TMEM175: variants seen among roughly 807,000 people sequenced by gnomAD.
The protein encoded by TMEM175 is endosomal/lysosomal proton channel TMEM175.
Under a neutral mutation model 36.5 loss-of-function variants are expected in TMEM175, and 36 were observed. The observed-to-expected ratio is 0.99, with a 90% CI of 0.76 to 1.30. The LOEUF (loss-of-function observed/expected upper bound fraction) is 1.30, where lower values mean the gene tolerates loss of function less well. Among genes scored for constraint, TMEM175 ranks in the 50% most tolerant of loss-of-function variants. TMEM175 has a pLI of 0.00. For synonymous variants in TMEM175, 339 were observed against 313.4 expected, an observed-to-expected ratio of 1.08 and a Z score of -0.86; for missense variants, 705 against 692.8, an observed-to-expected ratio of 1.02 and a Z score of -0.20.
chr4:944,736 C>T (rs1372181270), intron 1 of TMEM175, among the ~76,000 whole-genome samples: 1 of 152,092 alleles, frequency 6.6e-6, no homozygotes, highest in African/African-American at 2.4e-5. Context: ...TCTGTTTTAA[C>T]TTTCTGATAG....
intron 1 of TMEM175, among the ~76,000 whole-genome samples, chr4:933,481 A>AAACAAT (rs1553902877): frequency 6.6e-6 from 1 of 151,994 alleles, no homozygotes; most frequent in South Asian, 2.1e-4. Context: ...CTCAAAAAAT[A>AAACAAT]AATAATAATA....
At chr4:951,627 C>G in intron 5 of TMEM175, 55 bp from the exon 6 acceptor site, 1 of 1,612,620 alleles carries the variant, frequency 6.2e-7, no homozygotes, top group Non-Finnish European at 8.5e-7. Context: ...TCTGTCCATT[C>G]CCCTGCCCTT....
chr4:953,770 C>T lies in TMEM175; in HGVS notation c.627+416C>T, dbSNP rs139329148. Among the ~76,000 whole-genome samples the T allele has an allele frequency of 2.6e-5, 4 of 152,360 alleles. No homozygotes were observed. The East Asian group carries it at 5.8e-4, about 22-fold the overall frequency. On this transcript the variant is annotated intron_variant, in intron 8 of 10. Coordinates refer to ENST00000264771, the MANE Select transcript of TMEM175 (RefSeq NM_032326.4). ...GTGTGATCTTGGCTCACCACAGCCTCGACCTCCCGGGCTCAAGTGATTCTC... is the reference window on the plus strand; with the variant it reads ...GTGTGATCTTGGCTCACCACAGCCTTGACCTCCCGGGCTCAAGTGATTCTC...
chr4:947,607 C>A, intron 1 of TMEM175, 102 bp from the exon 2 acceptor site: 1 of 838,374 alleles, frequency 1.2e-6, no homozygotes, highest in Non-Finnish European at 1.8e-6. Context: ...GGCGGCCAAG[C>A]CCCCCCCCAT....
chr4:953,337 C>T lies in TMEM175; in HGVS notation c.610C>T (p.Leu204Phe), dbSNP rs1385593989. The T allele has an allele frequency of 1.2e-6, 2 of 1,612,742 alleles. No homozygotes were observed. Among genetic ancestry groups the T allele is most frequent in the African/African-American group, 2.7e-5 (2 of 74,930 alleles). The change falls in exon 8 of 11, where the codon CTC becomes TTC. Residue 204 changes from leucine to phenylalanine, a missense_variant. Coordinates refer to ENST00000264771, the MANE Select transcript of TMEM175 (RefSeq NM_032326.4). Reference sequence around the variant, plus strand: ...GTGCTTTGCAGCGGCCATCTTCTCTCTCTTCTTTGTCCCCTTGGTGAGTGC... The same window carrying T: ...GTGCTTTGCAGCGGCCATCTTCTCTTTCTTCTTTGTCCCCTTGGTGAGTGC... The part of the protein sequence containing the change: ...ALCFAAAIFS[L>F]FFVPLSYLLM...
At position 952,355 on chromosome 4, in the gene TMEM175, T is replaced by C. The variant is rs144228704; in HGVS notation, c.379-12T>C. ...GATTTGGGGGGGTTTGGTTTTGTTT[T>C]TGTTTTAACAGTTTTCGTTAATGGT... On this transcript the variant is annotated splice_polypyrimidine_tract_variant and intron_variant, in intron 6 of 10. Transcript: ENST00000264771. 2.8e-4 allele frequency: 451 copies of C among 1,610,866 alleles called. 5 individuals are homozygous for C. In the East Asian group the frequency reaches 9.2e-3, roughly 33 times the overall value.
At chr4:951,314 C>T in intron 5 of TMEM175, 56 bp downstream of exon 5, 1 of 1,589,522 alleles carries the variant, frequency 6.3e-7, no homozygotes, top group Non-Finnish European at 8.6e-7. Flanking sequence ...ATCTGACCCT[C>T]AGGGAAGAGG....
chr4:953,101 G>A lies in TMEM175; in HGVS notation c.463-89G>A, dbSNP rs151181945. Reference sequence around the variant, plus strand: ...GTCCTCCCCACCTCGAGACCCTTGCGTGCGTGTGCCATGCAGCCCGGGGGT... The same window carrying A: ...GTCCTCCCCACCTCGAGACCCTTGCATGCGTGTGCCATGCAGCCCGGGGGT... On this transcript the variant is annotated intron_variant, in intron 7 of 10. Transcript: ENST00000264771. The A allele has an allele frequency of 1.2e-4, 162 of 1,384,200 alleles. No homozygotes were observed. The African/African-American group carries it at 1.8e-3, about 16-fold the overall frequency. The allele number at this position is 1,384,200 out of a possible 1,614,324, so 85.7% of individuals were successfully genotyped here.
rs757183819 is a variant in TMEM175, at chr4:950,412, G to C, written c.193-9G>C. ...CCTGGGCTCTGACAGCAGTGCTCTT[G>C]TATTCCAGCAGTTCGACAGAAGTGT... On this transcript the variant is annotated splice_polypyrimidine_tract_variant and intron_variant, in intron 3 of 10. Transcript: ENST00000264771. 6.2e-7 allele frequency: 1 copy of C among 1,608,548 alleles called. No homozygotes were observed. Among genetic ancestry groups the C allele is most frequent in the South Asian group, 1.1e-5 (1 of 90,978 alleles).
intron 1 of TMEM175, among the ~76,000 whole-genome samples, chr4:943,904 G>A (rs1408041305): frequency 6.6e-6 from 1 of 152,204 alleles, no homozygotes; most frequent in Non-Finnish European, 1.5e-5. Flanking sequence ...CCAAAGAAGT[G>A]TGTTACTGAT....
rs140546775 is a variant in TMEM175, at chr4:958,035, G to A, written c.1054G>A (p.Val352Met). Reference protein sequence around the residue: ...GLLNTLSLAFVGGLPLAYQQT... With the variant: ...GLLNTLSLAFMGGLPLAYQQT... ...GCTGAACACGCTCTCGCTGGCCTTC[G>A]TGGGTGGCCTCCCACTAGCCTACCA... The change falls in exon 11 of 11, where the codon GTG (valine) becomes ATG (methionine). Residue 352 changes from valine (V) to methionine (M), a missense_variant. Physicochemically the swap from Val to Met is conservative, Grantham distance 21. Transcript: ENST00000264771. The A allele has an allele frequency of 5.2e-5, 84 of 1,611,308 alleles. 1 individual carries two copies. In the Middle Eastern group the frequency reaches 1.2e-3, roughly 22 times the overall value.
intron 3 of TMEM175, among the ~76,000 whole-genome samples, chr4:949,973 A>G (rs1157431281): frequency 6.6e-6 from 1 of 152,122 alleles, no homozygotes; most frequent in Non-Finnish European, 1.5e-5. Flanking sequence ...GAGCCTCATG[A>G]ATGACATTCG....
In TMEM175 at chr4:957,988, A is replaced by C. The variant is rs755772666; in HGVS notation, c.1007A>C (p.Lys336Thr). The change falls in exon 11 of 11, where the codon AAG becomes ACG. Residue 336 changes from lysine (K) to threonine (T), a missense_variant. Physicochemically the swap from Lys to Thr is moderately conservative, Grantham distance 78. Transcript: ENST00000264771. ...AHHSLFLHVR[K>T]ATRAMGLLNT... The stretch of plus-strand genomic sequence containing the variant: ...CACTCACTCTTCCTGCATGTGCGCA[A>C]GGCCACGCGGGCCATGGGGCTGCTG... 2.5e-6 allele frequency: 4 copies of C among 1,612,848 alleles called. No individual in the cohort carries two copies. The South Asian group carries it at 4.4e-5, about 18-fold the overall frequency.
intron 8 of TMEM175, 102 bp downstream of exon 8, chr4:953,456 G>C (rs1729223271): frequency 1.4e-6 from 2 of 1,385,718 alleles, no homozygotes; most frequent in Admixed American, 2.5e-5. Context: ...GCAGAGCGCA[G>C]ACAGGCAGGG....
chr4:957,640 G>C (rs1560502308), intron 10 of TMEM175, among the ~76,000 whole-genome samples, 184 bp from the exon 11 acceptor site: 1 of 152,244 alleles, frequency 6.6e-6, no homozygotes, highest in Non-Finnish European at 1.5e-5. Flanking sequence ...TGAACAGCAC[G>C]TAACAGTCAG....
rs773277869 is a variant in TMEM175, at chr4:951,167, A to T, written c.291-40A>T. 17 of 1,594,280 alleles carry T rather than the reference A, an allele frequency of 1.1e-5. No homozygotes were observed. In the South Asian group the frequency reaches 1.9e-4, roughly 18 times the overall value. On this transcript the variant is annotated intron_variant, in intron 4 of 10. Coordinates refer to ENST00000264771, the MANE Select transcript of TMEM175 (RefSeq NM_032326.4). Reference sequence around the variant, plus strand: ...GTGTGTGTGCATTTAATGTTACTACAACCGCGTTTTATTGTCTATCTTTTT... The same window carrying T: ...GTGTGTGTGCATTTAATGTTACTACTACCGCGTTTTATTGTCTATCTTTTT...
At chr4:939,614 G>A (rs1163700568) in intron 1 of TMEM175, among the ~76,000 whole-genome samples, 2 of 152,180 alleles carry the variant, frequency 1.3e-5, no homozygotes, top group African/African-American at 2.4e-5. Flanking sequence ...TACTCAGGAG[G>A]CCGAGGCAGG....
chr4:945,200 G>A (rs1727986647), intron 1 of TMEM175, among the ~76,000 whole-genome samples: 1 of 89,830 alleles, frequency 1.1e-5, no homozygotes, highest in East Asian at 2.5e-4. Context: ...GACCCTTGGA[G>A]GGTATGGCAC....
intron 1 of TMEM175, chr4:946,266 T>C (rs564110822): frequency 6.6e-6 from 1 of 152,490 alleles, no homozygotes; most frequent in South Asian, 2.1e-4. Flanking sequence ...CTGACTGGCG[T>C]CCTTGACACA....
Sources: gnomAD v4.1 joint callset for allele counts (sites outside exome capture counted in the v4.1 genomes callset) on GRCh38, gnomAD v4.1.1 for gene constraint, MANE v1.5 for transcripts, NCBI Gene and HGNC (gene_info 2026-07-23, HGNC 2026-07-21) for gene names.